The following DIAPH2 variants were observed in gnomAD, a reference collection of about 807,000 sequenced individuals.
The protein encoded by DIAPH2 is protein diaphanous homolog 2.
A neutral mutation model predicts 92.7 loss-of-function variants in DIAPH2; 35 were observed. The ratio of observed to expected loss-of-function variants is 0.38; its 90% CI spans 0.29 to 0.50. The LOEUF is 0.50. Ranked by LOEUF, DIAPH2 falls within the 20% of genes least tolerant of loss-of-function variation. The probability of loss-of-function intolerance (pLI) is 0.94; values close to 1 mark genes in which losing one functional copy is unlikely to be tolerated. For missense variants in DIAPH2, 701 were observed against 819.5 expected, an observed-to-expected ratio of 0.86 and a Z score of 1.77; for synonymous variants, 301 against 280.4, an observed-to-expected ratio of 1.07 and a Z score of -0.73.
At chrX:96,709,344 C>G (rs1277052852) in intron 1 of DIAPH2, among the ~76,000 whole-genome samples, 1 of 111,748 alleles carries the variant, frequency 8.9e-6, no homozygotes, top group Non-Finnish European at 1.9e-5. Flanking sequence ...AGAAATCTTT[C>G]TATGAAAATT....
At chrX:97,539,842 A>T (rs965743128) in intron 26 of DIAPH2, among the ~76,000 whole-genome samples, 16 of 111,587 alleles carry the variant, frequency 1.4e-4, no homozygotes, top group Non-Finnish European at 2.6e-4. Context: ...AGATAAGAAA[A>T]CAAACCACAA....
intron 25 of DIAPH2, among the ~76,000 whole-genome samples, chrX:97,419,234 T>C (rs1442537723): frequency 1.8e-5 from 2 of 111,778 alleles, no homozygotes; most frequent in African/African-American, 6.5e-5. Flanking sequence ...AATTAGCATA[T>C]GCTTGTCGTT....
At chrX:97,070,833 T>A (rs1355122212) in intron 17 of DIAPH2, among the ~76,000 whole-genome samples, 1 of 111,812 alleles carries the variant, frequency 8.9e-6, no homozygotes, top group Non-Finnish European at 1.9e-5. Flanking sequence ...CATCTAATCT[T>A]AATTTTAAAC....
At chrX:97,185,491 A>ATATATATATGTG (rs2067593913) in intron 22 of DIAPH2, among the ~76,000 whole-genome samples, 1 of 44,230 alleles carries the variant, frequency 2.3e-5, no homozygotes, top group African/African-American at 1.2e-4. Flanking sequence ...ATATATATAT[A>ATATATATATGTG]TATATATATA....
chrX:96,828,718 A>G (rs2064830948), intron 4 of DIAPH2, among the ~76,000 whole-genome samples: 1 of 111,791 alleles, frequency 8.9e-6, no homozygotes, highest in Non-Finnish European at 1.9e-5. Context: ...TACATTGTAG[A>G]ATTTTCTACT....
chrX:97,496,716 A>G (rs1439701588), intron 26 of DIAPH2, among the ~76,000 whole-genome samples: 1 of 87,431 alleles, frequency 1.1e-5, no homozygotes, highest in Non-Finnish European at 2.1e-5. Context: ...GGGGAGTGCC[A>G]TAGCACTCAC....
At chrX:97,202,803 G>T (rs960606545) in intron 22 of DIAPH2, among the ~76,000 whole-genome samples, 2 of 111,957 alleles carry the variant, frequency 1.8e-5, no homozygotes, top group Non-Finnish European at 3.8e-5. Flanking sequence ...GGATATTCAG[G>T]ACTCAAACTC....
chrX:97,466,598 A>T (rs1177051050), intron 26 of DIAPH2, among the ~76,000 whole-genome samples: 3 of 111,975 alleles, frequency 2.7e-5, no homozygotes, highest in Non-Finnish European at 5.6e-5. Context: ...GACACACTGG[A>T]AACTAGATGA....
At chrX:96,937,018 T>A (rs1421455483) in intron 10 of DIAPH2, among the ~76,000 whole-genome samples, 1 of 111,827 alleles carries the variant, frequency 8.9e-6, no homozygotes, top group Non-Finnish European at 1.9e-5. Flanking sequence ...AATCAAAATG[T>A]AGGGCATGGA....
intron 5 of DIAPH2, among the ~76,000 whole-genome samples, chrX:96,887,288 A>G (rs1050234872): frequency 3.6e-5 from 4 of 111,705 alleles, no homozygotes; most frequent in African/African-American, 9.7e-5. Context: ...TTGAACACCC[A>G]CCTGGCATGC....
At chrX:97,390,208 CTTTTTTTTTTTTTTTTTT>C (rs142044871) in intron 25 of DIAPH2, among the ~76,000 whole-genome samples, 1 of 33,174 alleles carries the variant, frequency 3.0e-5, no homozygotes, top group Admixed American at 6.3e-4. Context: ...TGCTTTCTGT[CTTTTTTTTTTTTTTTTTT>C]TTTTTTTTTT....
At chrX:97,440,845 A>AG (rs1265715325) in intron 26 of DIAPH2, among the ~76,000 whole-genome samples, 2 of 110,347 alleles carry the variant, frequency 1.8e-5, no homozygotes, top group African/African-American at 3.3e-5. Context: ...TAAGGGTAGG[A>AG]GGGGGGTGAG....
rs148651910 is a variant in DIAPH2 at position 96,743,863 on chromosome X, G to A, written c.342+5101G>A. Among the ~76,000 whole-genome samples the A allele has an allele frequency of 2.1e-4, 24 of 111,966 alleles. No homozygotes were observed. In the South Asian group the frequency reaches 3.7e-3, roughly 17 times the overall value. ...TTCTCACCACAAAAATCACAACCAT[G>A]TGAGGTAATGCACATATTAATTAGC... On this transcript the variant is annotated intron_variant, in intron 3 of 26. Coordinates refer to ENST00000324765, the MANE Select transcript of DIAPH2 (RefSeq NM_006729.5).
intron 22 of DIAPH2, among the ~76,000 whole-genome samples, chrX:97,216,258 G>A (rs2067882723): frequency 9.0e-6 from 1 of 111,674 alleles, no homozygotes; most frequent in Admixed American, 9.5e-5. Context: ...AGTGTCATAT[G>A]GATTATACGT....
intron 23 of DIAPH2, among the ~76,000 whole-genome samples, chrX:97,287,060 C>T (rs1449013436): frequency 1.8e-5 from 2 of 111,627 alleles, no homozygotes; most frequent in Non-Finnish European, 3.8e-5. Flanking sequence ...GATGAGCAAG[C>T]TTCCAACAAA....
At chrX:97,556,840 A>C (rs1396768988) in intron 26 of DIAPH2, among the ~76,000 whole-genome samples, 1 of 111,719 alleles carries the variant, frequency 9.0e-6, no homozygotes, top group Non-Finnish European at 1.9e-5. Flanking sequence ...GAACTCAAAA[A>C]CGTCATTTAA....
intron 5 of DIAPH2, among the ~76,000 whole-genome samples, chrX:96,882,058 T>C (rs2065216566): frequency 9.1e-6 from 1 of 110,210 alleles, no homozygotes; most frequent in Non-Finnish European, 1.9e-5. Flanking sequence ...TTTATTCTTT[T>C]TTTTTTTTGT....
intron 17 of DIAPH2, among the ~76,000 whole-genome samples, chrX:97,050,001 C>CAG (rs1448832653): frequency 9.0e-6 from 1 of 110,884 alleles, no homozygotes; most frequent in East Asian, 2.8e-4. Flanking sequence ...ACTATTAGAC[C>CAG]AGCTTGTCAG....
intron 22 of DIAPH2, among the ~76,000 whole-genome samples, chrX:97,195,489 C>T (rs1229661297): frequency 3.7e-5 from 4 of 109,579 alleles, no homozygotes; most frequent in African/African-American, 1.0e-4. Context: ...GGTGAAACCC[C>T]GTCTCTACTA....
Sources: gnomAD v4.1 joint callset for allele counts (sites outside exome capture counted in the v4.1 genomes callset) on GRCh38, gnomAD v4.1.1 for gene constraint, MANE v1.5 for transcripts, NCBI Gene and HGNC (gene_info 2026-07-23, HGNC 2026-07-21) for gene names.